The following USH2A variants were observed in gnomAD, a reference collection of about 807,000 sequenced individuals.
USH2A encodes usherin.
Under a neutral mutation model 538.9 loss-of-function variants are expected in USH2A, and 443 were observed. The ratio of observed to expected loss-of-function variants is 0.82; its 90% CI spans 0.76 to 0.89. The LOEUF (loss-of-function observed/expected upper bound fraction) is 0.89, where lower values mean the gene tolerates loss of function less well. Ranked by LOEUF, USH2A falls within the 40% of genes least tolerant of loss-of-function variation. USH2A has a pLI of 0.00. For missense variants in USH2A, 6,633 were observed against 6,324.8 expected, an observed-to-expected ratio of 1.05 and a Z score of -1.65; for synonymous variants, 2,413 against 2,273.5, an observed-to-expected ratio of 1.06 and a Z score of -1.75.
chr1:216,046,409 C>T (rs201826373), intron 32 of USH2A, 22 bp downstream of exon 32: 312 of 1,612,960 alleles, frequency 1.9e-4, no homozygotes, highest in Non-Finnish European at 2.5e-4. Flanking sequence ...TAACAATTCG[C>T]TGATAACTCT....
At chr1:216,148,504 A>T (rs964351369) in intron 21 of USH2A, among the ~76,000 whole-genome samples, 2 of 151,814 alleles carry the variant, frequency 1.3e-5, no homozygotes, top group African/African-American at 4.8e-5. Flanking sequence ...TCTCATTAAA[A>T]CCTAATCACC....
chr1:215,804,383 C>T (rs1662431900), intron 49 of USH2A, among the ~76,000 whole-genome samples: 1 of 152,114 alleles, frequency 6.6e-6, no homozygotes, highest in Non-Finnish European at 1.5e-5. Context: ...GCAATCTACT[C>T]ATCTGACAAA....
intron 23 of USH2A, among the ~76,000 whole-genome samples, chr1:216,088,490 C>A (rs2032202275): frequency 6.6e-6 from 1 of 152,122 alleles, no homozygotes; most frequent in African/African-American, 2.4e-5. Flanking sequence ...TAAAAGCCTG[C>A]ATCATTATAC....
At chr1:216,198,229 G>C (rs199809345) in intron 18 of USH2A, 86 bp downstream of exon 18, 1 of 1,586,322 alleles carries the variant, frequency 6.3e-7, no homozygotes, top group Non-Finnish European at 8.6e-7. Flanking sequence ...TTTTCAAAAT[G>C]TACTTTCACA....
At chr1:216,348,818 C>G (rs1251759488) in intron 4 of USH2A, among the ~76,000 whole-genome samples, 1 of 151,910 alleles carries the variant, frequency 6.6e-6, no homozygotes, top group Non-Finnish European at 1.5e-5. Flanking sequence ...TTTAGACAGA[C>G]TCTGCTTATT....
chr1:216,310,490 A>G (rs971826123), intron 9 of USH2A, among the ~76,000 whole-genome samples: 2 of 152,056 alleles, frequency 1.3e-5, no homozygotes, highest in African/African-American at 4.8e-5. Flanking sequence ...CTTTTGAGGT[A>G]TTAATAATTT....
At chr1:215,874,041 C>T (rs935191674) in intron 43 of USH2A, among the ~76,000 whole-genome samples, 1 of 152,134 alleles carries the variant, frequency 6.6e-6, no homozygotes, top group Non-Finnish European at 1.5e-5. Context: ...TATCTGATCA[C>T]TTAGGAACCA....
chr1:216,381,933 G>A (rs947404294), intron 3 of USH2A, among the ~76,000 whole-genome samples: 2 of 152,156 alleles, frequency 1.3e-5, no homozygotes, highest in Non-Finnish European at 2.9e-5. Flanking sequence ...TTTTCAATCT[G>A]TGTTTAGCTC....
At chr1:215,745,596 G>A (rs1055298079) in intron 58 of USH2A, among the ~76,000 whole-genome samples, 4 of 152,122 alleles carry the variant, frequency 2.6e-5, no homozygotes, top group Admixed American at 6.5e-5. Flanking sequence ...ATGAATGAAC[G>A]AACCCTCAAG....
chr1:215,822,906 G>T (rs1663050438), intron 47 of USH2A, among the ~76,000 whole-genome samples: 1 of 151,968 alleles, frequency 6.6e-6, no homozygotes, highest in African/African-American at 2.4e-5. Context: ...CAAAAACAAA[G>T]AAACAATGAA....
chr1:216,173,668 G>A (rs1265013672), intron 21 of USH2A, among the ~76,000 whole-genome samples: 1 of 152,134 alleles, frequency 6.6e-6, no homozygotes, highest in Non-Finnish European at 1.5e-5. Context: ...GGGAGATAGC[G>A]AGGATGACCA....
chr1:216,030,953 T>G (rs975784556), intron 32 of USH2A, among the ~76,000 whole-genome samples: 1 of 151,826 alleles, frequency 6.6e-6, no homozygotes, highest in Non-Finnish European at 1.5e-5. Context: ...ACAAAAGACA[T>G]GAGGAAAGAA....
At chr1:216,077,609 A>G (rs1005330042) in intron 27 of USH2A, among the ~76,000 whole-genome samples, 2 of 146,496 alleles carry the variant, frequency 1.4e-5, no homozygotes, top group African/African-American at 4.9e-5. Context: ...ACACACATAT[A>G]TTTCTTATAT....
At chr1:216,381,411 G>A (rs2038920542) in intron 3 of USH2A, among the ~76,000 whole-genome samples, 1 of 152,148 alleles carries the variant, frequency 6.6e-6, no homozygotes, top group African/African-American at 2.4e-5. Context: ...GCAATCGTGA[G>A]CATAGTGTTT....
At chr1:215,649,173 G>T (rs1331390433) in intron 65 of USH2A, among the ~76,000 whole-genome samples, 1 of 152,106 alleles carries the variant, frequency 6.6e-6, no homozygotes, top group Admixed American at 6.6e-5. Context: ...ATTCACCAAG[G>T]TCCATATTCT....
In USH2A at chr1:216,319,879, T is replaced by C. The variant is rs372884347; in HGVS notation, c.1644+2004A>G. Among the ~76,000 whole-genome samples, 14 of 152,252 alleles carry C rather than the reference T, an allele frequency of 9.2e-5. 1 individual carries two copies. The highest frequency in any genetic ancestry group is 3.9e-4 in the Admixed American group (6 of 15,282). On this transcript the variant is annotated intron_variant, in intron 9 of 71. Coordinates refer to ENST00000307340, the MANE Select transcript of USH2A (RefSeq NM_206933.4). ...TTTTAAAAAGCAAGATGCTCTATAA[T>C]ATCCTAAAATAAATTTCACAGAGAA...
rs74874838 is a variant in USH2A, at chr1:216,175,204, T to A, written c.4627+48A>T. On this transcript the variant is annotated intron_variant, in intron 21 of 71. Transcript: ENST00000307340. The stretch of plus-strand genomic sequence containing the variant: ...AAGGGATATGAAAATATAGAAAACA[T>A]TTTGGAGCTTCGTGTCTCCTAAATA... The A allele has an allele frequency of 7.3e-4, 1,171 of 1,610,984 alleles. 7 individuals carry two copies. In the African/African-American group the frequency reaches 0.014, roughly 20 times the overall value.
intron 37 of USH2A, among the ~76,000 whole-genome samples, chr1:215,959,900 C>A (rs752915429): frequency 6.6e-6 from 1 of 152,084 alleles, no homozygotes; most frequent in Admixed American, 6.6e-5. Context: ...ATGAAGATCA[C>A]GTCCCAATTC....
chr1:215,962,876 C>A (rs943843263), intron 37 of USH2A, among the ~76,000 whole-genome samples: 1 of 152,036 alleles, frequency 6.6e-6, no homozygotes, highest in African/African-American at 2.4e-5. Flanking sequence ...CTTGTTGTTA[C>A]GAAACCTAAT....
Sources: gnomAD v4.1 joint callset for allele counts (sites outside exome capture counted in the v4.1 genomes callset) on GRCh38, gnomAD v4.1.1 for gene constraint, MANE v1.5 for transcripts, NCBI Gene and HGNC (gene_info 2026-07-23, HGNC 2026-07-21) for gene names.